ZNF730: variants seen among roughly 807,000 people sequenced by gnomAD.
The protein encoded by ZNF730 is zinc finger protein 730.
ZNF730 carries 12 observed loss-of-function variants against 12.6 expected under a neutral mutation model. The ratio of observed to expected loss-of-function variants is 0.95; its 90% CI spans 0.61 to 1.54. The LOEUF is 1.54. ZNF730 is among the 40% of genes most tolerant of loss of function. The probability of loss-of-function intolerance (pLI) is 0.00; values close to 1 mark genes in which losing one functional copy is unlikely to be tolerated. For missense variants in ZNF730, 643 were observed against 583.5 expected (o/e 1.10, Z -1.05); for synonymous variants, 194 against 195.8 (o/e 0.99, Z 0.08).
intron 1 of ZNF730, among the ~76,000 whole-genome samples, chr19:23,101,601 A>G (rs897563811): frequency 1.3e-5 from 2 of 152,172 alleles, no homozygotes; most frequent in Non-Finnish European, 2.9e-5. Context: ...TGAGATTGTG[A>G]CATATCGCTT....
chr19:23,100,595 T>C (rs952856720), intron 1 of ZNF730, among the ~76,000 whole-genome samples: 2 of 150,322 alleles, frequency 1.3e-5, no homozygotes, highest in Admixed American at 1.3e-4. Flanking sequence ...GTGACTGTCA[T>C]CATTGAACAT....
chr19:23,138,523 C>T (rs535430542), intron 3 of ZNF730, among the ~76,000 whole-genome samples: 115 of 152,290 alleles, frequency 7.6e-4, no homozygotes, highest in Non-Finnish European at 2.8e-4. Flanking sequence ...CTCTTCCAGA[C>T]TTTGGCTGGG....
chr19:23,088,824 A>G (rs1036072635), intron 1 of ZNF730, among the ~76,000 whole-genome samples: 11 of 151,974 alleles, frequency 7.2e-5, no homozygotes, highest in Admixed American at 1.3e-4. Context: ...TTATGCATCT[A>G]TTGAAATGAT....
At chr19:23,095,159 TG>T (rs1970227366) in intron 1 of ZNF730, 1 of 385,334 alleles carries the variant, frequency 2.6e-6, no homozygotes, top group Admixed American at 4.5e-5. Context: ...ACTGAGGTAA[TG>T]TGACTATCTT....
At chr19:23,145,114 T>C (rs971071206) in intron 3 of ZNF730, among the ~76,000 whole-genome samples, 157 bp from the exon 4 acceptor site, 5 of 152,220 alleles carry the variant, frequency 3.3e-5, no homozygotes, top group African/African-American at 1.2e-4. Flanking sequence ...AAATGTACTT[T>C]GGATTTTTGT....
chr19:23,135,567 G>A (rs1403270911), intron 2 of ZNF730, among the ~76,000 whole-genome samples: 1 of 151,960 alleles, frequency 6.6e-6, no homozygotes, highest in Non-Finnish European at 1.5e-5. Context: ...CTGGAGTGCA[G>A]TGGCACAATG....
In ZNF730 at chr19:23,105,885, C is replaced by T. The variant is rs548574824; in HGVS notation, c.-93-28195C>T. Among the ~76,000 whole-genome samples the T allele has an allele frequency of 1.2e-4, 18 of 152,204 alleles. No homozygotes were observed. The South Asian group carries it at 1.4e-3, about 12-fold the overall frequency. On this transcript the variant is annotated intron_variant, in intron 1 of 2. Coordinates refer to the ZNF730 transcript ENST00000593635. ...CAACAAAAAACAAATTATTGATCTA[C>T]GCCACAGTATGCATGAGTCAGACAT...
chr19:23,118,371 T>TTG (rs1555714707), intron 1 of ZNF730, among the ~76,000 whole-genome samples: 3 of 151,198 alleles, frequency 2.0e-5, no homozygotes, highest in African/African-American at 4.9e-5. Context: ...TTTTTGTTTT[T>TTG]TTTTTTTGTT....
chr19:23,101,009 A>G (rs1325995956), intron 1 of ZNF730, among the ~76,000 whole-genome samples: 1 of 152,162 alleles, frequency 6.6e-6, no homozygotes, highest in Non-Finnish European at 1.5e-5. Flanking sequence ...TATCTGGACT[A>G]AACCAATAGT....
upstream of ZNF730, among the ~76,000 whole-genome samples, chr19:23,116,364 CTCTT>C (rs910904856): frequency 2.5e-4 from 33 of 131,854 alleles, no homozygotes; most frequent in African/African-American, 9.0e-4. Flanking sequence ...TTTTCTTTCT[CTCTT>C]TTCTTTCTTT....
chr19:23,127,274 C>T, intron 1 of ZNF730: 1 of 664,992 alleles, frequency 1.5e-6, no homozygotes, highest in South Asian at 1.6e-5. Flanking sequence ...TCCTTGCACA[C>T]TCAAATCTTG....
chr19:23,145,154 G>C, intron 3 of ZNF730, 117 bp from the exon 4 acceptor site: 1 of 673,378 alleles, frequency 1.5e-6, no homozygotes, highest in Non-Finnish European at 2.2e-6. Context: ...AGAAATTAGG[G>C]CCTGTGGTAT....
rs553527331 is a variant in ZNF730 at position 23,142,014 on chromosome 19, C to T, written c.227-3257C>T. On this transcript the variant is annotated intron_variant, in intron 3 of 3. Transcript: ENST00000597761. ...CGATATTTGCTTTATATGTTTAGAGCCCTAATGTGAGAGATATATATACTC... is the reference window on the plus strand; with the variant it reads ...CGATATTTGCTTTATATGTTTAGAGTCCTAATGTGAGAGATATATATACTC... 6.6e-5 allele frequency among the ~76,000 whole-genome samples: 10 copies of T among 152,050 alleles called. No homozygotes were observed. The South Asian group carries it at 2.1e-3, about 32-fold the overall frequency.
intron 3 of ZNF730, among the ~76,000 whole-genome samples, chr19:23,139,273 G>C (rs1163736557): frequency 6.6e-6 from 1 of 151,730 alleles, no homozygotes; most frequent in African/African-American, 2.4e-5. Flanking sequence ...GCTATTCTTT[G>C]CTTCTAAGCT....
intron 1 of ZNF730, among the ~76,000 whole-genome samples, chr19:23,102,233 T>C (rs2145540726): frequency 6.6e-6 from 1 of 152,276 alleles, no homozygotes; most frequent in South Asian, 2.1e-4. Context: ...TTGTTACCTA[T>C]TGCTGGGCTC....
At chr19:23,098,618 G>A (rs1021483605) in intron 1 of ZNF730, among the ~76,000 whole-genome samples, 1 of 152,084 alleles carries the variant, frequency 6.6e-6, no homozygotes. Flanking sequence ...CATAGTGCAG[G>A]GTCCAGCCAC....
chr19:23,112,054 T>C (rs1970466825), upstream of ZNF730, among the ~76,000 whole-genome samples: 1 of 151,564 alleles, frequency 6.6e-6, no homozygotes, highest in Non-Finnish European at 1.5e-5. Context: ...CCCTTTATTA[T>C]CTAGAACCCA....
intron 1 of ZNF730, among the ~76,000 whole-genome samples, chr19:23,077,094 T>G (rs1969874864): frequency 6.6e-6 from 1 of 152,078 alleles, no homozygotes; most frequent in African/African-American, 2.4e-5. Flanking sequence ...AACAGAAAAC[T>G]AAATACCACA....
intron 1 of ZNF730, among the ~76,000 whole-genome samples, chr19:23,131,634 T>C (rs1331375738): frequency 2.6e-5 from 4 of 152,218 alleles, no homozygotes; most frequent in Non-Finnish European, 5.9e-5. Flanking sequence ...GAGTGCTGAG[T>C]GTAATGAACT....
Sources: allele counts gnomAD v4.1 joint callset (sites outside exome capture counted in the v4.1 genomes callset), GRCh38; gene constraint gnomAD v4.1.1; transcripts MANE v1.5; gene names NCBI Gene and HGNC (gene_info 2026-07-23, HGNC 2026-07-21).